The following TSPAN9 variants were observed in gnomAD, a reference collection of about 807,000 sequenced individuals.
The protein encoded by TSPAN9 is tetraspanin-9.
Under a neutral mutation model 31.0 loss-of-function variants are expected in TSPAN9, and 16 were observed. The observed-to-expected ratio is 0.52, with a 90% confidence interval of 0.35 to 0.78. The LOEUF is 0.78. Among genes scored for constraint, TSPAN9 ranks in the 30% least tolerant of loss-of-function variants. The pLI, the probability that TSPAN9 is intolerant of heterozygous loss-of-function variation, is 0.01. For missense variants in TSPAN9, 272 were observed against 312.5 expected (o/e 0.87, Z 0.98); for synonymous variants, 145 against 121.6 (o/e 1.19, Z -1.27).
intron 3 of TSPAN9, among the ~76,000 whole-genome samples, chr12:3,218,938 A>C (rs766983306): frequency 6.6e-6 from 1 of 152,186 alleles, no homozygotes; most frequent in Non-Finnish European, 1.5e-5. Context: ...AGGTCGCAGA[A>C]AACCATGGTG....
intron 3 of TSPAN9, among the ~76,000 whole-genome samples, chr12:3,225,741 AT>A (rs149017195): frequency 6.0e-4 from 88 of 145,814 alleles, no homozygotes; most frequent in Middle Eastern, 3.6e-3. Flanking sequence ...AGCAGAAGGG[AT>A]TTTTTTTTTT....
chr12:3,269,866 C>T lies in TSPAN9; in HGVS notation c.64-8555C>T, dbSNP rs555213915. Among the ~76,000 whole-genome samples the T allele has an allele frequency of 2.1e-4, 32 of 152,360 alleles. No homozygotes were observed. In the South Asian group the frequency reaches 6.6e-3, roughly 32 times the overall value. On this transcript the variant is annotated intron_variant, in intron 3 of 8. Coordinates refer to ENST00000011898, the MANE Select transcript of TSPAN9 (RefSeq NM_006675.5). Reference sequence around the variant, plus strand: ...AGAGCCCCTGGCCCCACTGCCCAGGCCCAGGATGGGCTTGATTGGGAAGAA... The same window carrying T: ...AGAGCCCCTGGCCCCACTGCCCAGGTCCAGGATGGGCTTGATTGGGAAGAA...
At chr12:3,238,824 A>C (rs1283968480) in intron 3 of TSPAN9, among the ~76,000 whole-genome samples, 1 of 152,104 alleles carries the variant, frequency 6.6e-6, no homozygotes, top group African/African-American at 2.4e-5. Context: ...TGGGCCTCTC[A>C]CCCATGGGCA....
At chr12:3,182,937 A>G (rs533764137) in intron 2 of TSPAN9, among the ~76,000 whole-genome samples, 47 of 152,342 alleles carry the variant, frequency 3.1e-4, no homozygotes, top group African/African-American at 1.0e-3. Flanking sequence ...TCAGGGCCGC[A>G]TGGTCGGAGA....
chr12:3,129,538 A>G (rs1051921195), intron 2 of TSPAN9, among the ~76,000 whole-genome samples: 2 of 152,114 alleles, frequency 1.3e-5, no homozygotes, highest in African/African-American at 4.8e-5. Context: ...TCCTAATTCC[A>G]CCACACACAA....
At chr12:3,136,738 C>A (rs576698577) in intron 2 of TSPAN9, among the ~76,000 whole-genome samples, 2 of 152,270 alleles carry the variant, frequency 1.3e-5, no homozygotes, top group African/African-American at 4.8e-5. Flanking sequence ...CCTGCCCAGC[C>A]AGTAAGTAAA....
At chr12:3,113,717 G>A (rs2098320483) in intron 2 of TSPAN9, among the ~76,000 whole-genome samples, 1 of 152,278 alleles carries the variant, frequency 6.6e-6, no homozygotes, top group African/African-American at 2.4e-5. Context: ...GTGCCAGTTC[G>A]AGAGTGCCAG....
chr12:3,111,985 C>T (rs546257698), intron 2 of TSPAN9, among the ~76,000 whole-genome samples: 1 of 152,166 alleles, frequency 6.6e-6, no homozygotes, highest in South Asian at 2.1e-4. Context: ...AGGTAATTTC[C>T]TCAAGGTTAC....
In TSPAN9 at chr12:3,179,348, T is replaced by C. The variant is rs554455992; in HGVS notation, c.-17-21829T>C. Among the ~76,000 whole-genome samples the C allele has an allele frequency of 2.6e-5, 4 of 152,278 alleles. No individual in the cohort carries two copies. The South Asian group carries it at 8.3e-4, about 32-fold the overall frequency. ...GGGTGGTAGCTAGCACCTGCTTCAG[T>C]CACCTGTTCCCGTCTTTAACAGCTC... On this transcript the variant is annotated intron_variant, in intron 2 of 8. Transcript: ENST00000011898.
At chr12:3,098,403 A>G (rs1475198581) in intron 2 of TSPAN9, among the ~76,000 whole-genome samples, 1 of 152,094 alleles carries the variant, frequency 6.6e-6, no homozygotes, top group Non-Finnish European at 1.5e-5. Context: ...CGGATCCCAG[A>G]CCTCGCTTCT....
At chr12:3,225,515 G>A (rs956061145) in intron 3 of TSPAN9, among the ~76,000 whole-genome samples, 1 of 152,158 alleles carries the variant, frequency 6.6e-6, no homozygotes, top group African/African-American at 2.4e-5. Context: ...GTGCAGAAGC[G>A]CTGGTCTGGG....
intron 3 of TSPAN9, chr12:3,211,934 G>T: frequency 2.2e-6 from 3 of 1,358,304 alleles, no homozygotes; most frequent in African/African-American, 1.4e-5. Context: ...GTGTGCGTAG[G>T]TCGTCACCAC....
chr12:3,214,548 G>A (rs187507778), intron 3 of TSPAN9, among the ~76,000 whole-genome samples: 3 of 152,198 alleles, frequency 2.0e-5, no homozygotes, highest in Admixed American at 2.0e-4. Context: ...CTTAGTGGTG[G>A]GGGGAGAATC....
chr12:3,240,055 A>C (rs989960747), intron 3 of TSPAN9, among the ~76,000 whole-genome samples: 4 of 151,426 alleles, frequency 2.6e-5, no homozygotes, highest in African/African-American at 9.7e-5. Context: ...TTTATTGTGG[A>C]AAATCTTAAA....
Position 3,278,543 on chromosome 12 carries a change from C to T in TSPAN9, c.186C>T (p.Thr62=). Residue 62 remains threonine (T), a synonymous_variant, in exon 4 of 9, where the codon ACC becomes ACT. Transcript: ENST00000011898. Reference sequence around the variant, plus strand: ...CCAACCTGGTCATTGCCATAGGCACCATTGTCATGGTGACGGGCTTCCTCG... The same window carrying T: ...CCAACCTGGTCATTGCCATAGGCACTATTGTCATGGTGACGGGCTTCCTCG... ...SAANLVIAIG[T]IVMVTGFLGC... is the part of the protein sequence containing the mutation. 6.2e-7 allele frequency: 1 copy of T among 1,614,218 alleles called. No individual in the cohort carries two copies. Among genetic ancestry groups the T allele is most frequent in the Non-Finnish European group, 8.5e-7 (1 of 1,180,040 alleles).
chr12:3,095,890 G>A (rs1353959464), intron 2 of TSPAN9, among the ~76,000 whole-genome samples: 3 of 148,314 alleles, frequency 2.0e-5, no homozygotes, highest in Non-Finnish European at 4.5e-5. Flanking sequence ...CATCCCAGAC[G>A]ATGGGCGGCC....
intron 3 of TSPAN9, among the ~76,000 whole-genome samples, chr12:3,229,533 C>T (rs966302782): frequency 4.6e-5 from 7 of 152,256 alleles, no homozygotes; most frequent in South Asian, 4.1e-4. Flanking sequence ...CTGGCCTGGC[C>T]GCCTTCTGCA....
At chr12:3,141,376 C>G (rs1434976115) in intron 2 of TSPAN9, among the ~76,000 whole-genome samples, 1 of 152,158 alleles carries the variant, frequency 6.6e-6, no homozygotes, top group Non-Finnish European at 1.5e-5. Flanking sequence ...CCTCGGTCTC[C>G]CAGCCTGGTG....
chr12:3,091,350 G>A (rs746831047), intron 2 of TSPAN9, among the ~76,000 whole-genome samples: 5 of 152,200 alleles, frequency 3.3e-5, no homozygotes, highest in Non-Finnish European at 7.3e-5. Flanking sequence ...TTCCCGCAAG[G>A]TGTTCGTTTT....
Sources: gnomAD v4.1 joint callset for allele counts (sites outside exome capture counted in the v4.1 genomes callset) on GRCh38, gnomAD v4.1.1 for gene constraint, MANE v1.5 for transcripts, NCBI Gene and HGNC (gene_info 2026-07-23, HGNC 2026-07-21) for gene names.